The following BMPER variants were observed in gnomAD, a reference collection of about 807,000 sequenced individuals.
The protein encoded by BMPER is BMP-binding endothelial regulator protein.
In BMPER, 45 loss-of-function variants were observed where a neutral mutation model predicts 87.3. The ratio of observed to expected loss-of-function variants is 0.52; its 90% confidence interval spans 0.41 to 0.66. BMPER has a LOEUF of 0.66. BMPER is among the 30% of genes least tolerant of loss of function. BMPER has a pLI of 0.00. For missense variants in BMPER, 784 were observed against 867.5 expected, an observed-to-expected ratio of 0.90 and a Z score of 1.21; for synonymous variants, 326 against 316.2, an observed-to-expected ratio of 1.03 and a Z score of -0.33.
chr7:34,110,081 C>A (rs187392218), intron 13 of BMPER, among the ~76,000 whole-genome samples: 1 of 152,274 alleles, frequency 6.6e-6, no homozygotes, highest in East Asian at 1.9e-4. Flanking sequence ...GAAGCAGCGA[C>A]CTGAATTTGA....
Position 34,085,895 on chromosome 7 carries a change from G to A in BMPER, c.1548G>A (p.Lys516=), listed in dbSNP as rs767478240. Residue 516 remains lysine, a synonymous_variant, in exon 13 of 15, where the codon AAG becomes AAA. Coordinates refer to ENST00000649409, the MANE Select transcript of BMPER (RefSeq NM_001365308.1). ...TAATTGGTGGAGATGGAAACTTCAA[G>A]TTTGATGTGGATGACTTTGCTGAAT... ...DDLIGGDGNF[K]FDVDDFAESW... 3.1e-6 allele frequency: 5 copies of A among 1,614,176 alleles called. No individual in the cohort carries two copies. Among genetic ancestry groups the A allele is most frequent in the Admixed American group, 3.3e-5 (2 of 60,026 alleles).
chr7:34,137,263 G>A (rs1354163279), intron 13 of BMPER, among the ~76,000 whole-genome samples: 1 of 152,204 alleles, frequency 6.6e-6, no homozygotes, highest in Non-Finnish European at 1.5e-5. Context: ...CAGCAGAAAG[G>A]TTCTTGCAGA....
In BMPER at chr7:34,061,991, C is replaced by G. The variant is rs760813233; in HGVS notation, c.1033-11C>G. 4.9e-6 allele frequency: 7 copies of G among 1,416,620 alleles called. No homozygotes were observed. In the South Asian group the frequency reaches 8.1e-5, roughly 16 times the overall value. 87.8% of individuals were successfully genotyped at this position (1,416,620 alleles called of 1,614,324 possible). Reference sequence around the variant, plus strand: ...AAACAGTAACTTTGTATTTGTTTTTCTTCTGATTAGGGCAAAATTCTCAAC... The same window carrying G: ...AAACAGTAACTTTGTATTTGTTTTTGTTCTGATTAGGGCAAAATTCTCAAC... On this transcript the variant is annotated splice_polypyrimidine_tract_variant and intron_variant, in intron 10 of 14. Coordinates refer to ENST00000649409, the MANE Select transcript of BMPER (RefSeq NM_001365308.1).
intron 6 of BMPER, among the ~76,000 whole-genome samples, chr7:33,990,199 C>A (rs2127925101): frequency 6.7e-6 from 1 of 149,734 alleles, no homozygotes; most frequent in African/African-American, 2.5e-5. Context: ...CTGTAAATTA[C>A]CTTGGGCAGT....
At chr7:33,917,199 C>T (rs2128603323) in intron 2 of BMPER, among the ~76,000 whole-genome samples, 1 of 152,306 alleles carries the variant, frequency 6.6e-6, no homozygotes, top group East Asian at 1.9e-4. Flanking sequence ...CTCCCGATCC[C>T]TGGAGCTGGC....
intron 11 of BMPER, among the ~76,000 whole-genome samples, chr7:34,064,155 G>T (rs972633013): frequency 2.0e-5 from 3 of 152,222 alleles, no homozygotes; most frequent in Non-Finnish European, 4.4e-5. Flanking sequence ...GCTGGGCGTG[G>T]TGGTGTGTGC....
chr7:34,089,377 C>G (rs1179695570), intron 13 of BMPER, among the ~76,000 whole-genome samples: 1 of 152,130 alleles, frequency 6.6e-6, no homozygotes, highest in Non-Finnish European at 1.5e-5. Flanking sequence ...TCCCACAGGG[C>G]AAATTCTATG....
chr7:34,071,433 G>C (rs1416057594), intron 11 of BMPER, among the ~76,000 whole-genome samples: 1 of 152,142 alleles, frequency 6.6e-6, no homozygotes, highest in Non-Finnish European at 1.5e-5. Context: ...GCCTTAAGTG[G>C]CAAAATCAGG....
chr7:34,080,224 C>T (rs1009274325), intron 12 of BMPER, among the ~76,000 whole-genome samples: 1 of 152,132 alleles, frequency 6.6e-6, no homozygotes, highest in African/African-American at 2.4e-5. Context: ...GATAATGAAA[C>T]ATTTGACAAA....
chr7:33,905,687 T>C lies in BMPER; in HGVS notation c.74T>C (p.Val25Ala), dbSNP rs140065279. ...CGCTCGCCTGGGATTACGTGCTGCG[T>C]CTTGCTGCTACTCAATTGCTCGGGG... ...CRRSPGITCCVLLLLNCSGVP... is the reference protein window; with the variant it reads ...CRRSPGITCCALLLLNCSGVP... The change falls in exon 1 of 15, where the codon GTC (valine) becomes GCC (alanine). Residue 25 changes from valine to alanine, a missense_variant. Coordinates refer to ENST00000649409, the MANE Select transcript of BMPER (RefSeq NM_001365308.1). 4.3e-6 allele frequency: 7 copies of C among 1,613,368 alleles called. No homozygotes were observed. The African/African-American group carries it at 9.4e-5, about 22-fold the overall frequency.
chr7:33,927,952 C>T (rs1585644784), intron 2 of BMPER, among the ~76,000 whole-genome samples: 1 of 152,202 alleles, frequency 6.6e-6, no homozygotes, highest in East Asian at 1.9e-4. Flanking sequence ...TCATCATGTG[C>T]TGAAGGGCGC....
chr7:33,979,300 G>T (rs2127915365), intron 6 of BMPER, among the ~76,000 whole-genome samples: 1 of 151,184 alleles, frequency 6.6e-6, no homozygotes, highest in Non-Finnish European at 1.5e-5. Context: ...TCTTCTGCTT[G>T]TTCACCTGGC....
intron 13 of BMPER, among the ~76,000 whole-genome samples, chr7:34,095,870 A>C (rs1216509560): frequency 6.6e-6 from 1 of 152,140 alleles, no homozygotes; most frequent in African/African-American, 2.4e-5. Flanking sequence ...TTTCTGGAAC[A>C]AGTTGGAGAG....
chr7:34,127,619 G>A lies in BMPER; in HGVS notation c.1746-15611G>A, dbSNP rs146133139. On this transcript the variant is annotated intron_variant, in intron 13 of 14. Transcript: ENST00000649409. Reference sequence around the variant, plus strand: ...CATCATCTCTCCTCCGCTCCACCCCGCTCCTTTCTACTACCGGCTTCTTCT... The same window carrying A: ...CATCATCTCTCCTCCGCTCCACCCCACTCCTTTCTACTACCGGCTTCTTCT... Among the ~76,000 whole-genome samples the A allele has an allele frequency of 4.6e-4, 70 of 152,054 alleles. 1 individual carries two copies. The highest frequency in any genetic ancestry group is 1.5e-3 in the African/African-American group (63 of 41,470).
chr7:34,072,395 C>T (rs1011826359), intron 11 of BMPER, among the ~76,000 whole-genome samples: 4 of 151,734 alleles, frequency 2.6e-5, no homozygotes. Flanking sequence ...GAGGTGTCAG[C>T]AGGGCTGTGT....
chr7:34,050,200 A>G (rs1379005693), intron 7 of BMPER, among the ~76,000 whole-genome samples: 4 of 152,190 alleles, frequency 2.6e-5, no homozygotes, highest in African/African-American at 7.2e-5. Flanking sequence ...ATCATGCTAA[A>G]TCATGCCTAG....
chr7:33,984,561 T>A (rs1324063457), intron 6 of BMPER, among the ~76,000 whole-genome samples: 1 of 152,230 alleles, frequency 6.6e-6, no homozygotes, highest in African/African-American at 2.4e-5. Context: ...GGAAATTTTA[T>A]GGAGGAGTTG....
chr7:33,993,363 T>TCATTTCATC (rs1376478686), intron 6 of BMPER, among the ~76,000 whole-genome samples: 4 of 152,172 alleles, frequency 2.6e-5, no homozygotes, highest in Non-Finnish European at 4.4e-5. Flanking sequence ...TTCATTTCAT[T>TCATTTCATC]CATTTCATCT....
intron 13 of BMPER, among the ~76,000 whole-genome samples, chr7:34,093,404 C>T (rs1253970521): frequency 6.6e-6 from 1 of 152,166 alleles, no homozygotes; most frequent in Non-Finnish European, 1.5e-5. Context: ...TTTTGGTCTT[C>T]AATTTCTCTA....
Sources: allele counts gnomAD v4.1 joint callset (sites outside exome capture counted in the v4.1 genomes callset), GRCh38; gene constraint gnomAD v4.1.1; transcripts MANE v1.5; gene names NCBI Gene and HGNC (gene_info 2026-07-23, HGNC 2026-07-21).